Variants in VDAC1 observed in about 807,000 individuals in gnomAD.
VDAC1 encodes voltage dependent anion channel 1.
In VDAC1, 10 loss-of-function variants were observed where a neutral mutation model predicts 34.7. The observed-to-expected ratio is 0.29, with a 90% CI of 0.18 to 0.49. VDAC1 has a LOEUF of 0.49. Among genes scored for constraint, VDAC1 ranks in the 20% least tolerant of loss-of-function variants. The pLI, the probability that VDAC1 is intolerant of heterozygous loss-of-function variation, is 0.99. For missense variants in VDAC1, 230 were observed against 347.9 expected, an observed-to-expected ratio of 0.66 and a Z score of 2.69; for synonymous variants, 130 against 136.0, an observed-to-expected ratio of 0.96 and a Z score of 0.30.
intron 3 of VDAC1, 114 bp from the exon 4 acceptor site, chr5:133,991,268 G>T (rs963517629): frequency 2.3e-6 from 3 of 1,331,772 alleles, no homozygotes; most frequent in South Asian, 1.4e-5. Context: ...AATGTGGGGG[G>T]GCCAAGGCTA....
chr5:134,087,156 C>A, the VDAC1 span, among the ~76,000 whole-genome samples: 1 of 152,112 alleles, frequency 6.6e-6, no homozygotes, highest in African/African-American at 2.4e-5. Flanking sequence ...TTTCAGAGGG[C>A]GCACACCGGG....
the VDAC1 span, among the ~76,000 whole-genome samples, chr5:134,106,414 C>CTTTTTTT: frequency 0.026 from 3,751 of 146,560 alleles, 198 homozygotes; most frequent in African/African-American, 0.088. Context: ...TTGTCATCCT[C>CTTTTTTT]TTTTTTTTTT....
the VDAC1 span, among the ~76,000 whole-genome samples, chr5:134,110,866 A>G: frequency 6.6e-6 from 1 of 152,276 alleles, no homozygotes; most frequent in Non-Finnish European, 1.5e-5. Flanking sequence ...AAAGGAAAGG[A>G]AATGTATATT....
the VDAC1 span, among the ~76,000 whole-genome samples, chr5:134,050,145 A>T: frequency 6.6e-6 from 1 of 152,100 alleles, no homozygotes; most frequent in Non-Finnish European, 1.5e-5. Flanking sequence ...GCAACTCGGG[A>T]GGCTGAGGCA....
At chr5:134,006,570 CT>C (rs1490197910), upstream of VDAC1, among the ~76,000 whole-genome samples, 2 of 152,020 alleles carry the variant, frequency 1.3e-5, no homozygotes, top group African/African-American at 4.8e-5. Context: ...TGGCAAAACC[CT>C]GTCTCTACTA....
chr5:134,066,229 C>A, the VDAC1 span, among the ~76,000 whole-genome samples: 1 of 152,156 alleles, frequency 6.6e-6, no homozygotes, highest in Non-Finnish European at 1.5e-5. Flanking sequence ...GTCTCAAACT[C>A]CTGACCTTGC....
the VDAC1 span, among the ~76,000 whole-genome samples, chr5:134,110,182 C>T: frequency 2.0e-5 from 3 of 152,216 alleles, no homozygotes; most frequent in African/African-American, 2.4e-5. Context: ...TTGCCCATCA[C>T]CTCTCAAGCC....
intron 8 of VDAC1, among the ~76,000 whole-genome samples, 166 bp from the exon 9 acceptor site, chr5:133,973,028 C>T (rs1752356216): frequency 6.6e-6 from 1 of 152,252 alleles, no homozygotes; most frequent in Non-Finnish European, 1.5e-5. Flanking sequence ...AACAGGCATA[C>T]TACAGTGGGC....
the VDAC1 span, among the ~76,000 whole-genome samples, chr5:134,062,738 C>T: frequency 1.4e-4 from 21 of 151,496 alleles, no homozygotes; most frequent in East Asian, 3.9e-3. Flanking sequence ...GCGATTCTCC[C>T]GCCTCAGCCT....
At chr5:134,077,731 C>A in the VDAC1 span, among the ~76,000 whole-genome samples, 5 of 152,184 alleles carry the variant, frequency 3.3e-5, no homozygotes, top group African/African-American at 1.2e-4. Flanking sequence ...CTTTTGCCCC[C>A]CAAGCATCTA....
chr5:133,995,220 G>T (rs1042447548), intron 1 of VDAC1, among the ~76,000 whole-genome samples: 1 of 152,188 alleles, frequency 6.6e-6, no homozygotes, highest in African/African-American at 2.4e-5. Flanking sequence ...CCCTCCTGGG[G>T]CCTCTAGGAG....
At chr5:133,997,123 G>A (rs189438825) in intron 1 of VDAC1, among the ~76,000 whole-genome samples, 1 of 152,278 alleles carries the variant, frequency 6.6e-6, no homozygotes, top group Admixed American at 6.5e-5. Context: ...GTGTCAGTGA[G>A]GGTGTGGAAA....
chr5:134,042,288 G>T, the VDAC1 span, among the ~76,000 whole-genome samples: 4 of 152,270 alleles, frequency 2.6e-5, no homozygotes, highest in South Asian at 2.1e-4. Context: ...AAGCTTTCCA[G>T]TCACTGGTCT....
chr5:134,081,812 G>A, the VDAC1 span: 1 of 152,756 alleles, frequency 6.5e-6, no homozygotes, highest in African/African-American at 2.4e-5. Context: ...AATCACTGAG[G>A]CTGGAGATAA....
chr5:134,007,162 T>C (rs1417776356), upstream of VDAC1, among the ~76,000 whole-genome samples: 1 of 151,324 alleles, frequency 6.6e-6, no homozygotes, highest in East Asian at 2.0e-4. Flanking sequence ...GAGAATTGCT[T>C]GAACCCAGGA....
chr5:134,095,307 T>G, the VDAC1 span, among the ~76,000 whole-genome samples: 1 of 151,746 alleles, frequency 6.6e-6, no homozygotes, highest in Non-Finnish European at 1.5e-5. Flanking sequence ...TACAGGGAGA[T>G]CCCATCTCTA....
the VDAC1 span, among the ~76,000 whole-genome samples, chr5:134,099,773 G>A: frequency 6.6e-6 from 1 of 152,206 alleles, no homozygotes; most frequent in Non-Finnish European, 1.5e-5. Context: ...TGTAGAGACA[G>A]GGTCTCCCTA....
the VDAC1 span, among the ~76,000 whole-genome samples, chr5:134,036,659 T>TAA: frequency 2.7e-5 from 4 of 149,360 alleles, no homozygotes; most frequent in African/African-American, 4.9e-5. Context: ...CTGTCTTTTT[T>TAA]AAAAAAAAAA....
At chr5:134,043,114 C>T in the VDAC1 span, among the ~76,000 whole-genome samples, 1 of 152,220 alleles carries the variant, frequency 6.6e-6, no homozygotes, top group African/African-American at 2.4e-5. Context: ...GATCCTGGGG[C>T]AGGGGTGGCA....
Sources: allele counts gnomAD v4.1 joint callset (sites outside exome capture counted in the v4.1 genomes callset), GRCh38; gene constraint gnomAD v4.1.1; transcripts MANE v1.5; gene names NCBI Gene and HGNC (gene_info 2026-07-23, HGNC 2026-07-21).